VWA5B1: variants seen among roughly 807,000 people sequenced by gnomAD.
The protein encoded by VWA5B1 is von Willebrand factor A domain containing 5B1.
In VWA5B1, 115 loss-of-function variants were observed where a neutral mutation model predicts 118.2. The observed-to-expected ratio is 0.97, with a 90% confidence interval of 0.84 to 1.14. VWA5B1 has a LOEUF of 1.14. Among genes scored for constraint, VWA5B1 ranks in the 50% most tolerant of loss-of-function variants. The pLI, the probability that VWA5B1 is intolerant of heterozygous loss-of-function variation, is 0.00. For synonymous variants in VWA5B1, 682 were observed against 658.4 expected (o/e 1.04, Z -0.55); for missense variants, 1,596 against 1,603.8 (o/e 1.00, Z 0.08).
intron 3 of VWA5B1, 117 bp from the exon 4 acceptor site, chr1:20,314,205 A>G: frequency 2.8e-6 from 3 of 1,089,846 alleles, no homozygotes; most frequent in Non-Finnish European, 4.0e-6. Context: ...CACACCCTCA[A>G]GCTGAGCCTT....
chr1:20,300,280 G>A (rs1401429663), intron 1 of VWA5B1, among the ~76,000 whole-genome samples: 2 of 152,122 alleles, frequency 1.3e-5, no homozygotes, highest in African/African-American at 2.4e-5. Context: ...TCAACTGGGC[G>A]GGGTGCATGA....
At chr1:20,318,806 G>A (rs1475441009) in intron 6 of VWA5B1, 85 bp downstream of exon 6, 20 of 1,406,442 alleles carry the variant, frequency 1.4e-5, no homozygotes, top group Middle Eastern at 2.6e-4. Context: ...GTGGCCCCCC[G>A]CCCAGCAGCT....
intron 1 of VWA5B1, among the ~76,000 whole-genome samples, chr1:20,297,227 G>A (rs996817055): frequency 6.6e-6 from 1 of 152,178 alleles, no homozygotes; most frequent in Non-Finnish European, 1.5e-5. Flanking sequence ...GGCTGTACTA[G>A]CCAATTAGAT....
chr1:20,306,849 C>T lies in VWA5B1; in HGVS notation c.-26-3727C>T, dbSNP rs181362401. ...TCATCAGGAAAACACAGTCCAGAGCCTCAAATCATTCCAATCTTTCTATGT... is the reference window on the plus strand; with the variant it reads ...TCATCAGGAAAACACAGTCCAGAGCTTCAAATCATTCCAATCTTTCTATGT... On this transcript the variant is annotated intron_variant, in intron 1 of 21. Transcript: ENST00000289815. Among the ~76,000 whole-genome samples the T allele has an allele frequency of 3.1e-3, 470 of 152,272 alleles. 1 individual carries two copies. Among genetic ancestry groups the T allele is most frequent in the Non-Finnish European group, 2.3e-3 (158 of 68,026 alleles).
At chr1:20,316,923 CG>C (rs2089027649) in intron 4 of VWA5B1, among the ~76,000 whole-genome samples, 1 of 151,826 alleles carries the variant, frequency 6.6e-6, no homozygotes, top group South Asian at 2.1e-4. Context: ...GAATGGAGGC[CG>C]AGACGGGCGG....
At chr1:20,317,788 C>T in intron 5 of VWA5B1, 113 bp downstream of exon 5, 1 of 1,318,360 alleles carries the variant, frequency 7.6e-7, no homozygotes, top group East Asian at 2.7e-5. Context: ...GGCAGACCTA[C>T]TAAAGTACAC....
intron 1 of VWA5B1, among the ~76,000 whole-genome samples, chr1:20,297,875 C>T (rs1004174770): frequency 2.0e-5 from 3 of 152,016 alleles, no homozygotes; most frequent in East Asian, 1.9e-4. Context: ...GATAATAATC[C>T]GTATTTTGCT....
In VWA5B1 at chr1:20,318,706, C is replaced by G. The variant is rs1012607492; in HGVS notation, c.826C>G (p.Leu276Val). 1 of 1,510,128 alleles carries G rather than the reference C, an allele frequency of 6.6e-7. No homozygotes were observed. The allele number at this position is 1,510,128 out of a possible 1,614,324, so 93.5% of individuals were successfully genotyped here. A position where few individuals can be genotyped will look rare whatever the true frequency, so the allele number is the denominator to read the frequency against. Residue 276 changes from leucine to valine, a missense_variant, in exon 6 of 22, where the codon CTC becomes GTC. By Grantham distance (32) the Leu-to-Val change is conservative. Coordinates refer to ENST00000289815, the MANE Select transcript of VWA5B1 (RefSeq NM_001039500.3). ...KHTFDRPVEI[L>V]IHPSEPHMPH... ...CACCTTTGACCGGCCTGTGGAGATC[C>G]TCATCCACCCCAGCGGTACGGTGCC... is the stretch of plus-strand genomic sequence containing the variant.
intron 1 of VWA5B1, among the ~76,000 whole-genome samples, chr1:20,295,796 T>A (rs527643252): frequency 5.3e-5 from 8 of 152,266 alleles, no homozygotes; most frequent in Admixed American, 5.2e-4. Context: ...GTGTCCCCCC[T>A]TCCTTATTCA....
At chr1:20,305,427 G>T (rs1303810611) in intron 1 of VWA5B1, among the ~76,000 whole-genome samples, 3 of 152,116 alleles carry the variant, frequency 2.0e-5, no homozygotes, top group Non-Finnish European at 4.4e-5. Context: ...TGAGCCAAGC[G>T]CCAAGTGTTG....
chr1:20,321,218 A>AG (rs1026936862), intron 7 of VWA5B1, among the ~76,000 whole-genome samples: 32 of 152,068 alleles, frequency 2.1e-4, no homozygotes, highest in East Asian at 7.7e-4. Flanking sequence ...AATAAATCTT[A>AG]GGGGGGCAAT....
At chr1:20,334,228 G>A (rs1222280574) in intron 12 of VWA5B1, among the ~76,000 whole-genome samples, 5 of 152,214 alleles carry the variant, frequency 3.3e-5, no homozygotes, top group African/African-American at 1.2e-4. Flanking sequence ...TGGTTAATGT[G>A]TTATGGAAAA....
At chr1:20,315,364 G>A (rs934596628) in intron 4 of VWA5B1, among the ~76,000 whole-genome samples, 3 of 152,248 alleles carry the variant, frequency 2.0e-5, no homozygotes, top group Non-Finnish European at 4.4e-5. Context: ...GAACCATTAA[G>A]AGGGTTTTTG....
chr1:20,312,257 G>A (rs887252471), intron 2 of VWA5B1, among the ~76,000 whole-genome samples: 22 of 152,218 alleles, frequency 1.4e-4, no homozygotes, highest in African/African-American at 5.3e-4. Context: ...TCGAAAGTTT[G>A]AGAAGCACTA....
rs763246192 is a variant in VWA5B1, at chr1:20,317,671, C to G, written c.705C>G (p.Leu235=). 23 of 1,550,442 alleles carry G rather than the reference C, an allele frequency of 1.5e-5. No homozygotes were observed. The highest frequency in any genetic ancestry group is 1.7e-5 in the Non-Finnish European group (20 of 1,146,372). The change falls in exon 5 of 22, where the codon CTC becomes CTG. Residue 235 remains leucine (L), a synonymous_variant. Transcript: ENST00000289815. The part of the protein sequence containing the change: ...FQLEIRGPCL[L]AGVESPTHEI... ...TGGAGATCCGTGGGCCATGTCTGCT[C>G]GCAGGTGAGAGGGAGACATCCAGAC...
In VWA5B1 at chr1:20,314,592, G is replaced by T; in HGVS notation, c.563G>T (p.Gly188Val). Reference protein sequence around the residue: ...STGTSNQQAQGKDRHCFGAWA... With the variant: ...STGTSNQQAQVKDRHCFGAWA... ...GGCACCTCCAACCAACAGGCCCAGG[G>T]GTAAGGAAGCCCTGCCCAGACCAAT... The change falls in exon 4 of 22, where the codon GGC becomes GTC. Residue 188 changes from glycine to valine, a missense_variant and splice_region_variant. Transcript: ENST00000289815. The T allele has an allele frequency of 1.9e-6, 3 of 1,551,068 alleles. No individual in the cohort carries two copies. The highest frequency in any genetic ancestry group is 2.6e-6 in the Non-Finnish European group (3 of 1,146,818).
chr1:20,299,376 C>T (rs1488721615), intron 1 of VWA5B1, among the ~76,000 whole-genome samples: 1 of 152,048 alleles, frequency 6.6e-6, no homozygotes, highest in Non-Finnish European at 1.5e-5. Flanking sequence ...GTGTGTCCCT[C>T]GTGCTCCAGT....
Position 20,318,687 on chromosome 1 carries a change from TGACCGGCCTGTG to T in VWA5B1, c.810_821del (p.Asp270_Val273del), listed in dbSNP as rs1226219688. On this transcript the variant is annotated inframe_deletion, in exon 6 of 22. Coordinates refer to ENST00000289815, the MANE Select transcript of VWA5B1 (RefSeq NM_001039500.3). ...TCACCTTGGCCAACAAGCACACCTT[TGACCGGCCTGTG>T]GAGATCCTCATCCACCCCAGCGGTA... 1.3e-6 allele frequency: 2 copies of T among 1,537,146 alleles called. No individual in the cohort carries two copies. The highest frequency in any genetic ancestry group is 1.8e-6 in the Non-Finnish European group (2 of 1,138,344).
At chr1:20,320,093 T>C (rs963102412) in intron 7 of VWA5B1, among the ~76,000 whole-genome samples, 1 of 152,050 alleles carries the variant, frequency 6.6e-6, no homozygotes, top group Non-Finnish European at 1.5e-5. Context: ...ATGCTCTGCC[T>C]CCCGCTCATG....
Sources: allele counts gnomAD v4.1 joint callset (sites outside exome capture counted in the v4.1 genomes callset), GRCh38; gene constraint gnomAD v4.1.1; transcripts MANE v1.5; gene names NCBI Gene and HGNC (gene_info 2026-07-23, HGNC 2026-07-21).